Variants in PDE4D observed in about 807,000 individuals in gnomAD.
PDE4D encodes phosphodiesterase 4D.
Under a neutral mutation model 87.4 loss-of-function variants are expected in PDE4D, and 24 were observed. The ratio of observed to expected loss-of-function variants is 0.27; its 90% CI spans 0.20 to 0.39. The LOEUF is 0.39. PDE4D is among the 10% of genes least tolerant of loss of function. PDE4D has a pLI of 1.00. For missense variants in PDE4D, 714 were observed against 1,041.0 expected (o/e 0.69, Z 4.32); for synonymous variants, 384 against 383.2 (o/e 1.00, Z -0.02).
intron 1 of PDE4D, among the ~76,000 whole-genome samples, chr5:59,228,361 T>G (rs1754312657): frequency 6.6e-6 from 1 of 150,586 alleles, no homozygotes; most frequent in Non-Finnish European, 1.5e-5. Context: ...ACCCCCGGGG[T>G]CACAAGTTTA....
chr5:59,469,125 A>C (rs1268524239), intron 1 of PDE4D, among the ~76,000 whole-genome samples: 1 of 152,138 alleles, frequency 6.6e-6, no homozygotes, highest in Non-Finnish European at 1.5e-5. Context: ...CAGGAGATCG[A>C]GACCGTCCTG....
chr5:59,485,203 G>A (rs188741798), intron 1 of PDE4D, among the ~76,000 whole-genome samples: 187 of 152,166 alleles, frequency 1.2e-3, no homozygotes, highest in Non-Finnish European at 2.2e-3. Context: ...TTTGACTGAG[G>A]AACAGATAAA....
chr5:59,371,107 C>T (rs559282610), intron 1 of PDE4D, among the ~76,000 whole-genome samples: 1 of 152,250 alleles, frequency 6.6e-6, no homozygotes, highest in African/African-American at 2.4e-5. Context: ...CAAGACAATT[C>T]TTCCAATGTG....
At chr5:59,945,087 A>C (rs1251673261) in intron 3 of PDE4D, among the ~76,000 whole-genome samples, 1 of 152,236 alleles carries the variant, frequency 6.6e-6, no homozygotes, top group Non-Finnish European at 1.5e-5. Flanking sequence ...AGAAGCAATA[A>C]AATTTCACTA....
At chr5:60,215,905 G>A (rs1743804440) in intron 1 of PDE4D, among the ~76,000 whole-genome samples, 1 of 152,162 alleles carries the variant, frequency 6.6e-6, no homozygotes, top group Admixed American at 6.5e-5. Flanking sequence ...ACTAGAAGTA[G>A]CAATTATTCA....
At chr5:59,018,029 A>G (rs1754387629) in intron 6 of PDE4D, among the ~76,000 whole-genome samples, 1 of 152,202 alleles carries the variant, frequency 6.6e-6, no homozygotes, top group Non-Finnish European at 1.5e-5. Flanking sequence ...ACTTAAGGAT[A>G]CTGGGTTGTA....
At chr5:60,359,124 AG>A (rs1286837891) in intron 1 of PDE4D, among the ~76,000 whole-genome samples, 2 of 152,196 alleles carry the variant, frequency 1.3e-5, no homozygotes, top group Non-Finnish European at 2.9e-5. Flanking sequence ...ATATTGTTAT[AG>A]GCAGGGCACT....
At chr5:59,124,281 G>C (rs1006735095) in intron 5 of PDE4D, among the ~76,000 whole-genome samples, 1 of 152,210 alleles carries the variant, frequency 6.6e-6, no homozygotes, top group Non-Finnish European at 1.5e-5. Flanking sequence ...GAGCAATCAA[G>C]TGCAGTGGTT....
chr5:59,401,162 TG>T (rs1176973549), intron 1 of PDE4D, among the ~76,000 whole-genome samples: 1 of 152,240 alleles, frequency 6.6e-6, no homozygotes, highest in East Asian at 1.9e-4. Flanking sequence ...TTCATGTTTA[TG>T]GCTGGGCATG....
At chr5:60,128,512 A>G (rs1779304576) in intron 2 of PDE4D, among the ~76,000 whole-genome samples, 1 of 152,194 alleles carries the variant, frequency 6.6e-6, no homozygotes, top group Non-Finnish European at 1.5e-5. Flanking sequence ...CTGATGGGAG[A>G]GAAGTCTGAA....
chr5:60,005,007 C>T (rs1461960699), intron 2 of PDE4D, among the ~76,000 whole-genome samples: 1 of 152,118 alleles, frequency 6.6e-6, no homozygotes, highest in Non-Finnish European at 1.5e-5. Context: ...GCACTGTCGT[C>T]TTCATTGCAG....
At chr5:59,640,063 C>G in intron 1 of PDE4D, among the ~76,000 whole-genome samples, 1 of 151,758 alleles carries the variant, frequency 6.6e-6, no homozygotes, top group Admixed American at 6.6e-5. Flanking sequence ...TGAAAAGTAA[C>G]AATCAATCCA....
chr5:59,219,434 C>A (rs1751977429), intron 1 of PDE4D, among the ~76,000 whole-genome samples: 1 of 151,936 alleles, frequency 6.6e-6, no homozygotes, highest in South Asian at 2.1e-4. Flanking sequence ...CTCTTATAAT[C>A]AAAATTAATT....
intron 1 of PDE4D, among the ~76,000 whole-genome samples, chr5:59,556,366 T>C (rs572920979): frequency 6.6e-6 from 1 of 152,300 alleles, no homozygotes; most frequent in East Asian, 1.9e-4. Context: ...CTCTCACTTA[T>C]TCAGCACAGC....
intron 1 of PDE4D, among the ~76,000 whole-genome samples, chr5:60,325,847 T>A (rs1458605000): frequency 6.6e-6 from 1 of 152,156 alleles, no homozygotes; most frequent in Admixed American, 6.5e-5. Context: ...CAACTACTAA[T>A]CTACACTAAT....
chr5:59,425,142 T>C (rs1397990832), intron 1 of PDE4D, among the ~76,000 whole-genome samples: 1 of 152,198 alleles, frequency 6.6e-6, no homozygotes, highest in Admixed American at 6.5e-5. Flanking sequence ...TACTGAATGC[T>C]TTATATTATT....
At chr5:59,922,152 T>C (rs1288767462) in intron 3 of PDE4D, among the ~76,000 whole-genome samples, 2 of 152,098 alleles carry the variant, frequency 1.3e-5, no homozygotes, top group Non-Finnish European at 1.5e-5. Flanking sequence ...AGGGAGAATA[T>C]AGACCAGCCC....
chr5:59,017,062 G>A (rs893368720), intron 6 of PDE4D, among the ~76,000 whole-genome samples: 1 of 152,118 alleles, frequency 6.6e-6, no homozygotes, highest in Non-Finnish European at 1.5e-5. Flanking sequence ...CAGATTTGGG[G>A]CACAGCACTC....
intron 1 of PDE4D, among the ~76,000 whole-genome samples, chr5:59,367,419 A>C (rs1197478699): frequency 6.6e-6 from 1 of 152,224 alleles, no homozygotes; most frequent in African/African-American, 2.4e-5. Flanking sequence ...ATTTTCTACA[A>C]TAAATAAAGA....
Sources: gnomAD v4.1 joint callset for allele counts (sites outside exome capture counted in the v4.1 genomes callset) on GRCh38, gnomAD v4.1.1 for gene constraint, MANE v1.5 for transcripts, NCBI Gene and HGNC (gene_info 2026-07-23, HGNC 2026-07-21) for gene names.